Variants in PDZD2 observed in about 807,000 individuals in gnomAD.
PDZD2 encodes PDZ domain-containing protein 2.
A neutral mutation model predicts 220.7 loss-of-function variants in PDZD2; 90 were observed. The ratio of observed to expected loss-of-function variants is 0.41; its 90% CI spans 0.34 to 0.49. The LOEUF is 0.49. Ranked by LOEUF, PDZD2 falls within the 20% of genes least tolerant of loss-of-function variation. PDZD2 has a pLI of 0.28. For synonymous variants in PDZD2, 1,375 were observed against 1,450.5 expected, an observed-to-expected ratio of 0.95 and a Z score of 1.18; for missense variants, 3,174 against 3,608.5, an observed-to-expected ratio of 0.88 and a Z score of 3.08.
chr5:31,935,627 AT>A (rs1298973965), intron 2 of PDZD2, among the ~76,000 whole-genome samples: 5 of 152,120 alleles, frequency 3.3e-5, no homozygotes, highest in Non-Finnish European at 5.9e-5. Context: ...TTTTGTTTGC[AT>A]TTGGATGCAA....
intron 2 of PDZD2, among the ~76,000 whole-genome samples, chr5:31,811,808 G>A (rs181960927): frequency 6.6e-6 from 1 of 151,972 alleles, no homozygotes; most frequent in Non-Finnish European, 1.5e-5. Context: ...TGGCCAACAC[G>A]GTGAAACCCC....
At chr5:31,928,362 A>G (rs1237031609) in intron 2 of PDZD2, among the ~76,000 whole-genome samples, 1 of 152,204 alleles carries the variant, frequency 6.6e-6, no homozygotes, top group Non-Finnish European at 1.5e-5. Flanking sequence ...AACCCATTTG[A>G]CCACAGAGTT....
At chr5:31,890,172 A>G in intron 2 of PDZD2, among the ~76,000 whole-genome samples, 1 of 133,074 alleles carries the variant, frequency 7.5e-6, no homozygotes, top group Non-Finnish European at 1.5e-5. Context: ...GAAATCCAAG[A>G]GAAGCTGTGG....
At chr5:31,786,699 A>G (rs1341497615) in intron 1 of PDZD2, among the ~76,000 whole-genome samples, 1 of 152,166 alleles carries the variant, frequency 6.6e-6, no homozygotes, top group African/African-American at 2.4e-5. Context: ...CAGAGCTGGA[A>G]AGAAACTTAG....
chr5:31,698,200 G>C (rs558737682), intron 1 of PDZD2, among the ~76,000 whole-genome samples: 150 of 145,094 alleles, frequency 1.0e-3, no homozygotes, highest in African/African-American at 3.6e-3. Context: ...CACCGCACCC[G>C]GCCCCTTCCT....
chr5:31,837,310 C>T (rs528668290), intron 2 of PDZD2, among the ~76,000 whole-genome samples: 2 of 152,284 alleles, frequency 1.3e-5, no homozygotes, highest in East Asian at 3.9e-4. Context: ...CCTTTGGGTA[C>T]CAGGGGGAGC....
intron 5 of PDZD2, among the ~76,000 whole-genome samples, chr5:32,005,838 G>A (rs962344698): frequency 6.6e-6 from 1 of 152,140 alleles, no homozygotes; most frequent in Non-Finnish European, 1.5e-5. Flanking sequence ...TGAGGATGAT[G>A]TTAGGAGAAT....
intron 2 of PDZD2, among the ~76,000 whole-genome samples, chr5:31,955,230 T>C (rs2111645126): frequency 6.6e-6 from 1 of 152,222 alleles, no homozygotes; most frequent in East Asian, 1.9e-4. Flanking sequence ...CCCTCTAGAA[T>C]GCTAGATTAG....
Position 31,728,541 on chromosome 5 carries a change from G to T in PDZD2, c.-360-70348G>T, listed in dbSNP as rs545924796. Among the ~76,000 whole-genome samples the T allele has an allele frequency of 5.5e-4, 84 of 152,304 alleles. 1 individual carries two copies. The highest frequency in any genetic ancestry group is 2.0e-3 in the African/African-American group (82 of 41,568). On this transcript the variant is annotated intron_variant, in intron 1 of 24. Transcript: ENST00000438447. The stretch of plus-strand genomic sequence containing the variant: ...ATGCTCCTTGCGAGTGCTAATGGTG[G>T]TGGGGCAAAGATGATAGTGACCACA...
At chr5:31,689,351 A>ATTTTTTTTTTTTCT (rs1288275783) in intron 1 of PDZD2, among the ~76,000 whole-genome samples, 1 of 28,186 alleles carries the variant, frequency 3.5e-5, no homozygotes, top group Non-Finnish European at 5.4e-5. Flanking sequence ...ATATATATAT[A>ATTTTTTTTTTTTCT]TATTTTTTTT....
rs1414191576 is a variant in PDZD2 at position 32,090,635 on chromosome 5, G to C, written c.7187G>C (p.Ser2396Thr). The change falls in exon 20 of 25, where the codon AGC (serine) becomes ACC (threonine). Residue 2396 changes from serine (S) to threonine (T), a missense_variant. Around this residue, in one of 4 missense-constraint regions of PDZD2, gnomAD observed 631 missense variants for 789.9 expected, o/e 0.80. Transcript: ENST00000438447. The surrounding 1 kb of genome is among the most constrained non-coding windows in gnomAD (Gnocchi z 4.3). ...GCAGCAGCAAGGTTGTTGAGACGCA[G>C]CTTGAGTTCCTGCAGCGAAAACCAA... ...GDAAARLLRRSLSSCSENQSE... is the reference protein window; with the variant it reads ...GDAAARLLRRTLSSCSENQSE... 6.2e-7 allele frequency: 1 copy of C among 1,614,030 alleles called. No homozygotes were observed. Among genetic ancestry groups the C allele is most frequent in the Non-Finnish European group, 8.5e-7 (1 of 1,180,030 alleles).
chr5:31,916,490 G>A (rs1395846568), intron 2 of PDZD2, among the ~76,000 whole-genome samples: 2 of 152,258 alleles, frequency 1.3e-5, no homozygotes, highest in African/African-American at 4.8e-5. Context: ...TACCCGGAGC[G>A]CTGGCTGTCC....
At chr5:31,747,209 A>G (rs1174904894) in intron 1 of PDZD2, among the ~76,000 whole-genome samples, 1 of 152,198 alleles carries the variant, frequency 6.6e-6, no homozygotes, top group Non-Finnish European at 1.5e-5. Context: ...TTTACAGGTC[A>G]TGAGAGCCTT....
At chr5:32,068,061 G>C (rs1581413947) in intron 14 of PDZD2, among the ~76,000 whole-genome samples, 1 of 151,950 alleles carries the variant, frequency 6.6e-6, no homozygotes, top group Non-Finnish European at 1.5e-5. Context: ...AGAGATCAAA[G>C]TTATCACCGA....
At chr5:31,758,925 G>T (rs143459048) in intron 1 of PDZD2, among the ~76,000 whole-genome samples, 1 of 152,052 alleles carries the variant, frequency 6.6e-6, no homozygotes, top group Non-Finnish European at 1.5e-5. Context: ...CTCCACATGC[G>T]TTCCCTGGCT....
chr5:31,670,912 A>G (rs1342434305), intron 1 of PDZD2, among the ~76,000 whole-genome samples: 1 of 152,086 alleles, frequency 6.6e-6, no homozygotes, highest in Non-Finnish European at 1.5e-5. Context: ...TATGTGGAAC[A>G]CATCTCAGAA....
intron 12 of PDZD2, among the ~76,000 whole-genome samples, chr5:32,058,556 C>T (rs1739350766): frequency 6.6e-6 from 1 of 151,634 alleles, no homozygotes; most frequent in Admixed American, 6.6e-5. Flanking sequence ...CGCCTGTAAT[C>T]CCAGCTACTC....
At chr5:32,029,898 G>A (rs1754990010) in intron 6 of PDZD2, among the ~76,000 whole-genome samples, 2 of 152,192 alleles carry the variant, frequency 1.3e-5, no homozygotes, top group African/African-American at 2.4e-5. Flanking sequence ...AAGATTCTTG[G>A]CTTCTCTTAA....
intron 2 of PDZD2, among the ~76,000 whole-genome samples, chr5:31,833,635 CA>C (rs75394129): frequency 1.1e-4 from 14 of 126,328 alleles, no homozygotes; most frequent in Admixed American, 5.7e-4. Context: ...GACCCTGTCT[CA>C]AAAAAAAAAA....
Sources: allele counts gnomAD v4.1 joint callset (sites outside exome capture counted in the v4.1 genomes callset), GRCh38; gene constraint gnomAD v4.1.1; regional missense constraint gnomAD v4.1.1; non-coding constraint Gnocchi (gnomAD v3.1); transcripts MANE v1.5; gene names NCBI Gene and HGNC (gene_info 2026-07-23, HGNC 2026-07-21).